Variants in FAF2 observed in about 807,000 individuals in gnomAD.
FAF2 encodes FAS-associated factor 2.
A neutral mutation model predicts 62.3 loss-of-function variants in FAF2; 9 were observed. The observed-to-expected ratio is 0.14, with a 90% CI of 0.09 to 0.25. The LOEUF (loss-of-function observed/expected upper bound fraction) is 0.25. Ranked by LOEUF, FAF2 falls within the 10% of genes least tolerant of loss-of-function variation. FAF2 has a pLI of 1.00. For missense variants in FAF2, 368 were observed against 556.2 expected, an observed-to-expected ratio of 0.66 and a Z score of 3.40; for synonymous variants, 202 against 198.0, an observed-to-expected ratio of 1.02 and a Z score of -0.17.
At chr5:176,488,765 A>G (rs866495431) in intron 3 of FAF2, among the ~76,000 whole-genome samples, 186 bp from the exon 4 acceptor site, 4 of 152,180 alleles carry the variant, frequency 2.6e-5, no homozygotes, top group Admixed American at 6.6e-5. Flanking sequence ...AAAAAATGAT[A>G]GTAAGATGAA....
At chr5:176,466,379 G>A (rs1758469095) in intron 1 of FAF2, among the ~76,000 whole-genome samples, 2 of 152,150 alleles carry the variant, frequency 1.3e-5, no homozygotes, top group Non-Finnish European at 2.9e-5. Flanking sequence ...CCTAAAATAT[G>A]CATTCTTAGC....
intron 10 of FAF2, among the ~76,000 whole-genome samples, chr5:176,503,506 G>T (rs1244082509): frequency 6.7e-6 from 1 of 149,912 alleles, no homozygotes; most frequent in African/African-American, 2.5e-5. Flanking sequence ...AGTGAATGGA[G>T]ATCGTGCTAT....
intron 1 of FAF2, among the ~76,000 whole-genome samples, chr5:176,468,321 A>G (rs866563333): frequency 6.6e-6 from 1 of 152,182 alleles, no homozygotes; most frequent in African/African-American, 2.4e-5. Flanking sequence ...GCAGTGGCTC[A>G]TGCCTATAAT....
chr5:176,467,411 A>G (rs1186103417), intron 1 of FAF2, among the ~76,000 whole-genome samples: 1 of 151,930 alleles, frequency 6.6e-6, no homozygotes, highest in Non-Finnish European at 1.5e-5. Flanking sequence ...GCTCACTGCA[A>G]CCTTCATCTC....
chr5:176,455,827 A>T (rs1399368620), intron 1 of FAF2, among the ~76,000 whole-genome samples: 1 of 152,202 alleles, frequency 6.6e-6, no homozygotes, highest in African/African-American at 2.4e-5. Context: ...ATAGGCTTTT[A>T]TCAGAAACTT....
intron 2 of FAF2, among the ~76,000 whole-genome samples, chr5:176,483,097 C>T (rs950494995): frequency 6.6e-6 from 1 of 151,546 alleles, no homozygotes; most frequent in East Asian, 1.9e-4. Context: ...TGGTTTGTTG[C>T]CCAGGCTGGA....
intron 1 of FAF2, among the ~76,000 whole-genome samples, chr5:176,464,931 C>T (rs994529415): frequency 3.3e-5 from 5 of 152,174 alleles, no homozygotes; most frequent in Admixed American, 6.5e-5. Flanking sequence ...TGTATCGCCC[C>T]GGCTAGAGTG....
chr5:176,504,294 C>T (rs974177262), intron 10 of FAF2, among the ~76,000 whole-genome samples: 1 of 151,882 alleles, frequency 6.6e-6, no homozygotes, highest in African/African-American at 2.4e-5. Context: ...TAATGAAACC[C>T]TGTCTCTGGC....
chr5:176,462,915 C>T (rs1395874446), intron 1 of FAF2, among the ~76,000 whole-genome samples: 7 of 152,108 alleles, frequency 4.6e-5, no homozygotes, highest in South Asian at 2.1e-4. Context: ...AAGTTTGCTT[C>T]GCTATAGTGT....
At chr5:176,456,445 C>G (rs1182149201) in intron 1 of FAF2, among the ~76,000 whole-genome samples, 1 of 151,988 alleles carries the variant, frequency 6.6e-6, no homozygotes, top group Non-Finnish European at 1.5e-5. Context: ...AGACAACTCA[C>G]CAAAAAAGAT....
intron 7 of FAF2, among the ~76,000 whole-genome samples, chr5:176,495,018 T>C (rs1012379724): frequency 6.6e-6 from 1 of 151,952 alleles, no homozygotes; most frequent in Non-Finnish European, 1.5e-5. Flanking sequence ...TCATCAACGA[T>C]TTTAACAGAG....
At chr5:176,475,276 C>T (rs1383473903) in intron 1 of FAF2, among the ~76,000 whole-genome samples, 3 of 151,926 alleles carry the variant, frequency 2.0e-5, no homozygotes, top group Admixed American at 6.6e-5. Flanking sequence ...GGACTACAGG[C>T]GCACCACCAC....
intron 7 of FAF2, among the ~76,000 whole-genome samples, chr5:176,495,097 T>C (rs970507270): frequency 6.6e-6 from 1 of 152,246 alleles, no homozygotes; most frequent in Admixed American, 6.5e-5. Context: ...TTCAGATCTT[T>C]GCTGACAATA....
intron 4 of FAF2, among the ~76,000 whole-genome samples, chr5:176,491,573 A>C (rs1039114144): frequency 1.3e-5 from 2 of 152,192 alleles, no homozygotes; most frequent in African/African-American, 4.8e-5. Context: ...TTAAAATCCC[A>C]GGAAAACAGA....
intron 1 of FAF2, among the ~76,000 whole-genome samples, chr5:176,458,141 GTAC>G (rs1758309189): frequency 6.6e-6 from 1 of 152,108 alleles, no homozygotes; most frequent in Non-Finnish European, 1.5e-5. Flanking sequence ...GAGTGCAATT[GTAC>G]AGTCTTGGCT....
intron 2 of FAF2, 92 bp downstream of exon 2, chr5:176,479,348 G>T: frequency 2.9e-6 from 3 of 1,022,592 alleles, no homozygotes; most frequent in Non-Finnish European, 4.5e-6. Context: ...AATCTTTTCA[G>T]TAGATTTTTT....
chr5:176,476,765 T>A (rs1023603864), intron 1 of FAF2, among the ~76,000 whole-genome samples: 3 of 149,626 alleles, frequency 2.0e-5, no homozygotes, highest in African/African-American at 7.4e-5. Context: ...CCCGAGAGTA[T>A]CTGGGACTAC....
chr5:176,486,759 T>C (rs556116947), intron 3 of FAF2, among the ~76,000 whole-genome samples: 1 of 152,344 alleles, frequency 6.6e-6, no homozygotes, highest in East Asian at 1.9e-4. Context: ...TCTTTGTTGC[T>C]TCAGTTTACT....
chr5:176,486,243 G>A, intron 2 of FAF2, 112 bp from the exon 3 acceptor site: 3 of 1,328,874 alleles, frequency 2.3e-6, no homozygotes, highest in Non-Finnish European at 3.1e-6. Context: ...GTGACCTTTT[G>A]GTGTATTCAT....
Sources: gnomAD v4.1 joint callset for allele counts (sites outside exome capture counted in the v4.1 genomes callset) on GRCh38, gnomAD v4.1.1 for gene constraint, MANE v1.5 for transcripts, NCBI Gene and HGNC (gene_info 2026-07-23, HGNC 2026-07-21) for gene names.